PDCD6: variants seen among roughly 807,000 people sequenced by gnomAD.
PDCD6 encodes the protein programmed cell death 6.
In PDCD6, 12 loss-of-function variants were observed where a neutral mutation model predicts 28.3. The ratio of observed to expected loss-of-function variants is 0.42; its 90% confidence interval spans 0.27 to 0.69. The LOEUF is 0.69. Among genes scored for constraint, PDCD6 ranks in the 30% least tolerant of loss-of-function variants. The pLI is 0.22. For synonymous variants in PDCD6, 92 were observed against 108.0 expected (o/e 0.85, Z 0.92); for missense variants, 226 against 269.9 (o/e 0.84, Z 1.14).
chr5:280,294 C>T lies in PDCD6; in HGVS notation c.163+7522C>T, dbSNP rs185914633. ...TTTGAGGAACGGATAGAGGCCTGTC[C>T]GGCAGGAAGGGAACAGCACAGGGGA... On this transcript the variant is annotated intron_variant, in intron 2 of 5. Coordinates refer to ENST00000264933, the MANE Select transcript of PDCD6 (RefSeq NM_013232.4). 6.7e-3 allele frequency among the ~76,000 whole-genome samples: 1,002 copies of T among 150,082 alleles called. 7 individuals carry two copies. Among genetic ancestry groups the T allele is most frequent in the South Asian group, 0.011 (54 of 4,824 alleles).
chr5:295,313 G>T (rs1319652600), intron 2 of PDCD6, among the ~76,000 whole-genome samples: 1 of 152,188 alleles, frequency 6.6e-6, no homozygotes, highest in African/African-American at 2.4e-5. Context: ...GGCAATCCCA[G>T]AGGGAGAGAG....
Position 314,919 on chromosome 5 carries a change from T to C in PDCD6, c.*404T>C. ...TGTGCCTTACTTTTTTAAAAAGGAG[T>C]TTATTGTATTCATTGGAATATGTGA... On this transcript the variant is annotated 3_prime_UTR_variant, in exon 6 of 6. Transcript: ENST00000264933. 1 of 334,906 alleles carries C rather than the reference T, an allele frequency of 3.0e-6. No homozygotes were observed. The highest frequency in any genetic ancestry group is 5.8e-6 in the Non-Finnish European group (1 of 171,552). 20.7% of individuals were successfully genotyped at this position (334,906 alleles called of 1,614,324 possible). A position where few individuals can be genotyped will look rare whatever the true frequency, so the allele number is the denominator to read the frequency against.
intron 2 of PDCD6, among the ~76,000 whole-genome samples, chr5:281,270 G>C (rs922437014): frequency 4.6e-5 from 7 of 152,244 alleles, no homozygotes; most frequent in African/African-American, 1.7e-4. Flanking sequence ...CGTAAGAAGG[G>C]ATTGGTCAGG....
At position 304,478 on chromosome 5, in the gene PDCD6, G is replaced by A. The variant is rs1740340592; in HGVS notation, c.208+257G>A. ...TGTCCTTTCAGTTTCTAATTCTAAAGATGACATATATTTAAAATTTCTAAA... is the reference window on the plus strand; with the variant it reads ...TGTCCTTTCAGTTTCTAATTCTAAAAATGACATATATTTAAAATTTCTAAA... On this transcript the variant is annotated intron_variant, in intron 3 of 5. Coordinates refer to ENST00000264933, the MANE Select transcript of PDCD6 (RefSeq NM_013232.4). 7 of 235,718 alleles carry A rather than the reference G, an allele frequency of 3.0e-5. No homozygotes were observed. The South Asian group carries it at 9.7e-4, about 33-fold the overall frequency. 14.6% of individuals were successfully genotyped at this position (235,718 alleles called of 1,614,324 possible). A position where few individuals can be genotyped will look rare whatever the true frequency, so the allele number is the denominator to read the frequency against.
At chr5:301,162 A>G (rs561525233) in intron 2 of PDCD6, among the ~76,000 whole-genome samples, 45 of 152,324 alleles carry the variant, frequency 3.0e-4, no homozygotes, top group African/African-American at 9.9e-4. Flanking sequence ...CACACAGTCA[A>G]TCCAGGGCCA....
rs557273447 is a variant in PDCD6 at position 297,905 on chromosome 5, CT to C, written c.164-6270del. 5.9e-5 allele frequency among the ~76,000 whole-genome samples: 9 copies of C among 152,286 alleles called. No individual in the cohort carries two copies. In the South Asian group the frequency reaches 1.7e-3, roughly 28 times the overall value. ...TAGGGAAATGAAAAAAGAAAATCGA[CT>C]TATGTTCTTTAATGGCTAGGAAAAT... On this transcript the variant is annotated intron_variant, in intron 2 of 5. Transcript: ENST00000264933.
chr5:275,843 T>A (rs1473378997), intron 2 of PDCD6, among the ~76,000 whole-genome samples: 2 of 152,226 alleles, frequency 1.3e-5, no homozygotes, highest in African/African-American at 4.8e-5. Flanking sequence ...TCTGTGGTGG[T>A]TTGCTCCTCA....
intron 2 of PDCD6, among the ~76,000 whole-genome samples, chr5:275,600 A>G (rs1738142764): frequency 6.6e-6 from 1 of 152,210 alleles, no homozygotes; most frequent in African/African-American, 2.4e-5. Context: ...CTTTCTTCTC[A>G]ACCAATATGA....
At chr5:290,399 G>A (rs567707071) in intron 2 of PDCD6, 103 of 785,510 alleles carry the variant, frequency 1.3e-4, no homozygotes, top group African/African-American at 8.4e-4. Flanking sequence ...CCCACCCCCC[G>A]ACGTCCTCCC....
chr5:280,716 G>A (rs1048746315), intron 2 of PDCD6, among the ~76,000 whole-genome samples: 3 of 151,068 alleles, frequency 2.0e-5, no homozygotes, highest in African/African-American at 7.3e-5. Flanking sequence ...GGCTGTGAGG[G>A]CACTGTAGGC....
intron 2 of PDCD6, among the ~76,000 whole-genome samples, chr5:275,510 T>C (rs901032840): frequency 6.6e-6 from 1 of 152,244 alleles, no homozygotes. Context: ...TGCTAGAAAA[T>C]TTAAAGTCAG....
At chr5:277,611 T>C (rs1561030206) in intron 2 of PDCD6, among the ~76,000 whole-genome samples, 1 of 152,086 alleles carries the variant, frequency 6.6e-6, no homozygotes, top group African/African-American at 2.4e-5. Context: ...ATTTTTTGTA[T>C]TTTTAGTACA....
intron 2 of PDCD6, among the ~76,000 whole-genome samples, chr5:277,638 G>A (rs963190174): frequency 6.6e-6 from 1 of 151,964 alleles, no homozygotes. Context: ...GTTTCACCAT[G>A]TTAGCTAGGA....
intron 2 of PDCD6, among the ~76,000 whole-genome samples, chr5:299,613 A>ATG (rs1561044736): frequency 6.6e-6 from 1 of 151,366 alleles, no homozygotes; most frequent in Non-Finnish European, 1.5e-5. Flanking sequence ...CCAGTGGTGC[A>ATG]ATCTCAGCTC....
intron 2 of PDCD6, among the ~76,000 whole-genome samples, chr5:294,985 G>T (rs1579514469): frequency 6.6e-6 from 1 of 152,250 alleles, no homozygotes; most frequent in East Asian, 1.9e-4. Flanking sequence ...TACCGTGTTG[G>T]GGAGCAGGGC....
chr5:291,184 G>A (rs979180186), intron 2 of PDCD6, among the ~76,000 whole-genome samples: 6 of 151,990 alleles, frequency 3.9e-5, no homozygotes, highest in African/African-American at 7.2e-5. Flanking sequence ...CTTTCACCAC[G>A]TATCTGCACA....
chr5:289,579 A>G (rs898940787), intron 2 of PDCD6: 32 of 863,548 alleles, frequency 3.7e-5, no homozygotes, highest in East Asian at 2.6e-4. Context: ...TTTGTCAAAC[A>G]TGAGTCTTTT....
chr5:298,672 T>TCAGCTGCTCCCCCCCAGCTGCTCCCCCC (rs1270044597), intron 2 of PDCD6, among the ~76,000 whole-genome samples: 2 of 27,602 alleles, frequency 7.2e-5, no homozygotes, highest in African/African-American at 3.9e-4. Context: ...CTGCTCCCAC[T>TCAGCTGCTCCCCCCCAGCTGCTCCCCCC]CAGCTGCTCC....
intron 2 of PDCD6, among the ~76,000 whole-genome samples, chr5:283,354 G>A (rs1436992585): frequency 6.6e-6 from 1 of 152,174 alleles, no homozygotes; most frequent in Non-Finnish European, 1.5e-5. Flanking sequence ...TCATGGAGGT[G>A]AAAACCCGGA....
Sources: gnomAD v4.1 joint callset for allele counts (sites outside exome capture counted in the v4.1 genomes callset) on GRCh38, gnomAD v4.1.1 for gene constraint, MANE v1.5 for transcripts, NCBI Gene and HGNC (gene_info 2026-07-23, HGNC 2026-07-21) for gene names.